DPP10: variants seen among roughly 807,000 people sequenced by gnomAD.
DPP10 encodes the protein dipeptidyl peptidase like 10.
Under a neutral mutation model 120.9 loss-of-function variants are expected in DPP10, and 33 were observed. The ratio of observed to expected loss-of-function variants is 0.27; its 90% CI spans 0.21 to 0.37. The LOEUF (loss-of-function observed/expected upper bound fraction) is 0.37, where lower values mean the gene tolerates loss of function less well. Ranked by LOEUF, DPP10 falls within the 10% of genes least tolerant of loss-of-function variation. The pLI, the probability that DPP10 is intolerant of heterozygous loss-of-function variation, is 1.00. For synonymous variants in DPP10, 337 were observed against 326.1 expected (o/e 1.03, Z -0.36); for missense variants, 816 against 942.8 (o/e 0.87, Z 1.76).
intron 1 of DPP10, among the ~76,000 whole-genome samples, chr2:114,774,560 T>C (rs879710459): frequency 4.0e-5 from 6 of 150,186 alleles, no homozygotes; most frequent in African/African-American, 1.2e-4. Flanking sequence ...TGTAAGAAAC[T>C]TTCATAAAAT....
At chr2:115,652,220 A>G (rs1180477701) in intron 5 of DPP10, among the ~76,000 whole-genome samples, 1 of 152,048 alleles carries the variant, frequency 6.6e-6, no homozygotes, top group Non-Finnish European at 1.5e-5. Flanking sequence ...TTATGGTTTA[A>G]GTACAATGAT....
chr2:114,776,094 G>GTTTT (rs1173777304), intron 1 of DPP10, among the ~76,000 whole-genome samples: 36 of 152,144 alleles, frequency 2.4e-4, no homozygotes, highest in African/African-American at 8.4e-4. Context: ...AGATATGATG[G>GTTTT]GAAAATACAC....
intron 1 of DPP10, among the ~76,000 whole-genome samples, chr2:115,048,994 T>C (rs1446519734): frequency 6.6e-6 from 1 of 152,084 alleles, no homozygotes; most frequent in Non-Finnish European, 1.5e-5. Context: ...TTCCCATAGT[T>C]TAATCCCAAA....
intron 1 of DPP10, among the ~76,000 whole-genome samples, chr2:114,977,031 CTTTG>C (rs1213448678): frequency 2.0e-5 from 3 of 152,022 alleles, no homozygotes; most frequent in Non-Finnish European, 1.5e-5. Flanking sequence ...AAGAATCCTA[CTTTG>C]TTTATTTTGG....
At chr2:114,653,538 A>G (rs1033166332) in intron 1 of DPP10, among the ~76,000 whole-genome samples, 5 of 152,238 alleles carry the variant, frequency 3.3e-5, no homozygotes, top group Non-Finnish European at 7.3e-5. Flanking sequence ...GAGGTGGGGC[A>G]CAGAAAAAGA....
chr2:114,595,861 C>T (rs1691864332), intron 1 of DPP10, among the ~76,000 whole-genome samples: 1 of 152,128 alleles, frequency 6.6e-6, no homozygotes, highest in African/African-American at 2.4e-5. Context: ...ATGTCCTCAA[C>T]ACAATCCTGG....
Position 115,023,662 on chromosome 2 carries a change from A to C in DPP10, c.61-285577A>C, listed in dbSNP as rs562023943. Among the ~76,000 whole-genome samples the C allele has an allele frequency of 2.0e-5, 3 of 152,188 alleles. No homozygotes were observed. In the South Asian group the frequency reaches 6.2e-4, roughly 32 times the overall value. Reference sequence around the variant, plus strand: ...CTTCTAGGTATCTACACAGAGGAAAAAAGTTATTATATGAAAAAGATACTT... The same window carrying C: ...CTTCTAGGTATCTACACAGAGGAAACAAGTTATTATATGAAAAAGATACTT... On this transcript the variant is annotated intron_variant, in intron 1 of 25. Coordinates refer to ENST00000410059, the MANE Select transcript of DPP10 (RefSeq NM_020868.6).
intron 4 of DPP10, among the ~76,000 whole-genome samples, chr2:115,510,352 T>A (rs928486193): frequency 6.6e-6 from 1 of 152,130 alleles, no homozygotes. Flanking sequence ...AGGAAAGAGG[T>A]CCACATTTAT....
At chr2:115,231,015 A>C (rs962671166) in intron 1 of DPP10, among the ~76,000 whole-genome samples, 2 of 152,024 alleles carry the variant, frequency 1.3e-5, no homozygotes, top group Non-Finnish European at 2.9e-5. Flanking sequence ...TTCAGTGTTC[A>C]AGACATCAAA....
intron 1 of DPP10, among the ~76,000 whole-genome samples, chr2:114,657,430 A>C (rs755747812): frequency 2.6e-5 from 4 of 152,174 alleles, no homozygotes; most frequent in Admixed American, 1.3e-4. Context: ...ATTAGTCATT[A>C]GTTGGTATTA....
intron 5 of DPP10, among the ~76,000 whole-genome samples, chr2:115,608,749 T>C (rs1203992454): frequency 6.6e-6 from 1 of 151,896 alleles, no homozygotes; most frequent in African/African-American, 2.4e-5. Context: ...ACTAAAGAAA[T>C]AGAACATGAA....
intron 1 of DPP10, among the ~76,000 whole-genome samples, chr2:115,307,392 T>C (rs2061401114): frequency 6.6e-6 from 1 of 152,142 alleles, no homozygotes; most frequent in Admixed American, 6.6e-5. Context: ...TTCTTGATTC[T>C]CTTACTGAAT....
intron 8 of DPP10, among the ~76,000 whole-genome samples, chr2:115,738,024 C>T (rs978082418): frequency 6.6e-6 from 1 of 152,144 alleles, no homozygotes; most frequent in Admixed American, 6.5e-5. Context: ...TAACCACATA[C>T]AGCAGCATTC....
intron 19 of DPP10, among the ~76,000 whole-genome samples, chr2:115,796,922 A>G (rs987943134): frequency 5.9e-5 from 9 of 152,146 alleles, no homozygotes; most frequent in Non-Finnish European, 1.2e-4. Context: ...AGTTTTATAT[A>G]TCTATTTTCT....
chr2:115,242,373 A>G (rs928971894), intron 1 of DPP10, among the ~76,000 whole-genome samples: 3 of 151,994 alleles, frequency 2.0e-5, no homozygotes, highest in Non-Finnish European at 4.4e-5. Context: ...GTATCCCATC[A>G]TGTATATATC....
At chr2:115,468,436 C>A in intron 3 of DPP10, 1 of 460,848 alleles carries the variant, frequency 2.2e-6, no homozygotes, top group Non-Finnish European at 4.3e-6. Flanking sequence ...AATCCCAGGG[C>A]TGGCCACTGT....
At chr2:115,162,692 C>T (rs746394719) in intron 1 of DPP10, among the ~76,000 whole-genome samples, 5 of 152,110 alleles carry the variant, frequency 3.3e-5, no homozygotes, top group Non-Finnish European at 7.4e-5. Context: ...TGTGTCGCGT[C>T]TGCACAGATG....
chr2:115,321,181 A>G (rs2062038422), intron 2 of DPP10, among the ~76,000 whole-genome samples: 1 of 152,072 alleles, frequency 6.6e-6, no homozygotes, highest in Admixed American at 6.6e-5. Flanking sequence ...GGAGCCTGTA[A>G]TCCCCGCTCC....
chr2:115,612,853 C>T (rs946357158), intron 5 of DPP10, among the ~76,000 whole-genome samples: 1 of 151,646 alleles, frequency 6.6e-6, no homozygotes, highest in Non-Finnish European at 1.5e-5. Context: ...AAATGCTAAA[C>T]ATCTGTATCT....
Sources: allele counts gnomAD v4.1 joint callset (sites outside exome capture counted in the v4.1 genomes callset), GRCh38; gene constraint gnomAD v4.1.1; transcripts MANE v1.5; gene names NCBI Gene and HGNC (gene_info 2026-07-23, HGNC 2026-07-21).